FBN1: variants seen among roughly 807,000 people sequenced by gnomAD.
FBN1 encodes fibrillin 1.
In FBN1, 29 loss-of-function variants were observed where a neutral mutation model predicts 365.1. The ratio of observed to expected loss-of-function variants is 0.08; its 90% confidence interval spans 0.06 to 0.11. FBN1 has a LOEUF of 0.11. Ranked by LOEUF, FBN1 falls within the 10% of genes least tolerant of loss-of-function variation. FBN1 has a pLI of 1.00. For missense variants in FBN1, 2,476 were observed against 3,703.2 expected (o/e 0.67, Z 8.60); for synonymous variants, 1,210 against 1,270.5 (o/e 0.95, Z 1.01).
intron 45 of FBN1, among the ~76,000 whole-genome samples, chr15:48,450,886 G>T (rs2043196381): frequency 6.6e-6 from 1 of 151,952 alleles, no homozygotes; most frequent in Admixed American, 6.6e-5. Flanking sequence ...GCCAAGTATA[G>T]AATAGCATTT....
rs2043500621 is a variant in FBN1, at chr15:48,485,630, T to C, written c.3590-134A>G. On this transcript the variant is annotated intron_variant, in intron 29 of 65. Transcript: ENST00000316623. Reference sequence around the variant, plus strand: ...GCCTTTAAAAGAGGTAATCATCCTATGAGGGCTCTACCCTCATGGTGGGAT... The same window carrying C: ...GCCTTTAAAAGAGGTAATCATCCTACGAGGGCTCTACCCTCATGGTGGGAT... 43 of 940,918 alleles carry C rather than the reference T, an allele frequency of 4.6e-5. 2 individuals carry two copies. In the South Asian group the frequency reaches 6.0e-4, roughly 13 times the overall value. 58.3% of individuals were successfully genotyped at this position (940,918 alleles called of 1,614,324 possible). A position where few individuals can be genotyped will look rare whatever the true frequency, so the allele number is the denominator to read the frequency against.
intron 64 of FBN1, among the ~76,000 whole-genome samples, chr15:48,413,416 T>A (rs558875523): frequency 1.3e-5 from 2 of 152,354 alleles, no homozygotes; most frequent in Non-Finnish European, 2.9e-5. Flanking sequence ...GGCCACTGGC[T>A]CCGACTCATG....
At chr15:48,620,400 C>G (rs1489742952) in intron 2 of FBN1, among the ~76,000 whole-genome samples, 1 of 152,188 alleles carries the variant, frequency 6.6e-6, no homozygotes, top group Admixed American at 6.5e-5. Flanking sequence ...TACCTCCCCA[C>G]AATACTTCTA....
chr15:48,497,511 G>T (rs374242391), intron 18 of FBN1, 120 bp from the exon 19 acceptor site: 3 of 894,652 alleles, frequency 3.4e-6, no homozygotes, highest in South Asian at 1.5e-5. Flanking sequence ...GAAAAAAATC[G>T]ATTTCACTGG....
chr15:48,626,675 A>C (rs1889888524), intron 2 of FBN1, among the ~76,000 whole-genome samples: 1 of 152,230 alleles, frequency 6.6e-6, no homozygotes, highest in African/African-American at 2.4e-5. Context: ...CATTGAAATT[A>C]ACACTTCACA....
In FBN1 at chr15:48,468,063, C is replaced by T. The variant is rs753491504; in HGVS notation, c.4622G>A (p.Arg1541Gln). The T allele has an allele frequency of 1.1e-5, 17 of 1,613,972 alleles. No individual in the cohort carries two copies. The highest frequency in any genetic ancestry group is 2.2e-5 in the South Asian group (2 of 91,078). ...SGNCYLDIRPRGDNGDTACSN... is the reference protein window; with the variant it reads ...SGNCYLDIRPQGDNGDTACSN... Reference sequence around the variant, plus strand: ...GCAGGCTGTATCTCCATTGTCTCCTCGAGGTCGAATATCCAAATAGCAATT... The same window carrying T: ...GCAGGCTGTATCTCCATTGTCTCCTTGAGGTCGAATATCCAAATAGCAATT... Residue 1541 changes from arginine to glutamine, a missense_variant, in exon 38 of 66, where the codon CGA becomes CAA. Around this residue, in one of 5 missense-constraint regions of FBN1, gnomAD observed 1,780 missense variants for 2,840.8 expected, o/e 0.63. Coordinates refer to ENST00000316623, the MANE Select transcript of FBN1 (RefSeq NM_000138.5).
rs1254966761 is a variant in FBN1, at chr15:48,624,859, A to G, written c.165-11767T>C. ...ACAGAGAGAGGCCGGCCAGAGGCGGAGCCGGGGGTGGAGCTTGTGGAATTC... is the reference window on the plus strand; with the variant it reads ...ACAGAGAGAGGCCGGCCAGAGGCGGGGCCGGGGGTGGAGCTTGTGGAATTC... On this transcript the variant is annotated intron_variant, in intron 2 of 65. Transcript: ENST00000316623. Among the ~76,000 whole-genome samples, 3 of 152,228 alleles carry G rather than the reference A, an allele frequency of 2.0e-5. No homozygotes were observed. The East Asian group carries it at 5.8e-4, about 29-fold the overall frequency.
chr15:48,523,755 AG>A (rs2043882511), intron 9 of FBN1, among the ~76,000 whole-genome samples: 1 of 134,420 alleles, frequency 7.4e-6, no homozygotes, highest in Non-Finnish European at 1.6e-5. Context: ...CTTTGTACAG[AG>A]GGTAAGGGGT....
chr15:48,604,356 A>G (rs1387990278), intron 4 of FBN1, among the ~76,000 whole-genome samples: 1 of 152,178 alleles, frequency 6.6e-6, no homozygotes, highest in East Asian at 1.9e-4. Context: ...AGACAAATTA[A>G]ACAGCTAGAC....
Position 48,434,736 on chromosome 15 carries a change from C to G in FBN1, c.6497-23G>C, listed in dbSNP as rs3825962. On this transcript the variant is annotated intron_variant, in intron 53 of 65. Coordinates refer to ENST00000316623, the MANE Select transcript of FBN1 (RefSeq NM_000138.5). ...TATCTGCAAGAAACCAGGAATGTGT[C>G]CAAAACATGATGAATTGAGATAATA... 0.018 allele frequency: 29,129 copies of G among 1,612,150 alleles called. 1,799 individuals are homozygous for G. The East Asian group carries it at 0.23, about 13-fold the overall frequency.
At chr15:48,485,302 A>T (rs2043495802) in intron 30 of FBN1, 72 bp downstream of exon 30, 2 of 1,610,858 alleles carry the variant, frequency 1.2e-6, no homozygotes, top group Non-Finnish European at 8.5e-7. Flanking sequence ...GCTTGACTCC[A>T]AAGCCTGGGC....
chr15:48,465,505 T>C, intron 40 of FBN1, 63 bp downstream of exon 40: 4 of 1,589,600 alleles, frequency 2.5e-6, no homozygotes, highest in Admixed American at 1.7e-5. Context: ...GTAACCATAT[T>C]CTGGTTTTGC....
chr15:48,539,944 CA>C (rs2044045301), intron 6 of FBN1, among the ~76,000 whole-genome samples: 1 of 152,096 alleles, frequency 6.6e-6, no homozygotes, highest in Non-Finnish European at 1.5e-5. Flanking sequence ...TGAATTCAAA[CA>C]AAAATATAAA....
intron 6 of FBN1, among the ~76,000 whole-genome samples, chr15:48,545,037 C>G (rs1359059469): frequency 6.6e-6 from 1 of 152,144 alleles, no homozygotes; most frequent in Non-Finnish European, 1.5e-5. Flanking sequence ...CCACGTTAAA[C>G]CAAACACTGA....
intron 6 of FBN1, among the ~76,000 whole-genome samples, chr15:48,573,057 T>C (rs2044318061): frequency 6.6e-6 from 1 of 152,082 alleles, no homozygotes; most frequent in East Asian, 1.9e-4. Context: ...GCCAGCGAGG[T>C]GGGAAAGACC....
rs2043497671 is a variant in FBN1, at chr15:48,485,433, C to T, written c.3653G>A (p.Ser1218Asn). 1 of 1,614,096 alleles carries T rather than the reference C, an allele frequency of 6.2e-7. No individual in the cohort carries two copies. Among genetic ancestry groups the T allele is most frequent in the Admixed American group, 1.7e-5 (1 of 60,016 alleles). ...CETFCTNSEG[S>N]YECSCQPGFA... ...TCCCGGCTGACAGCTACATTCATAG[C>T]TGCCTTCAGAGTTTGTGCAGAAGGT... Residue 1218 changes from serine to asparagine, a missense_variant, in exon 30 of 66, where the codon AGC becomes AAC. Transcript: ENST00000316623.
chr15:48,413,913 T>C lies in FBN1; in HGVS notation c.8052-1170A>G, dbSNP rs144419296. ...TCTTGCCAGAGTCCAATACATTTCC[T>C]TTCCTCTTTATCTTGCAACATGAAA... On this transcript the variant is annotated intron_variant, in intron 64 of 65. Coordinates refer to ENST00000316623, the MANE Select transcript of FBN1 (RefSeq NM_000138.5). Among the ~76,000 whole-genome samples, 910 of 152,356 alleles carry C rather than the reference T, an allele frequency of 6.0e-3. 8 individuals are homozygous for C. The highest frequency in any genetic ancestry group is 0.021 in the African/African-American group (881 of 41,582).
intron 64 of FBN1, among the ~76,000 whole-genome samples, chr15:48,414,121 T>C (rs1035421917): frequency 1.3e-5 from 2 of 152,324 alleles, no homozygotes; most frequent in South Asian, 2.1e-4. Context: ...TTATAAGAAG[T>C]GTGACTACAA....
chr15:48,550,167 G>A (rs574819046), intron 6 of FBN1, among the ~76,000 whole-genome samples: 1 of 152,342 alleles, frequency 6.6e-6, no homozygotes, highest in Admixed American at 6.5e-5. Context: ...GCATTCAAGT[G>A]GTCAAATCAT....
Sources: allele counts gnomAD v4.1 joint callset (sites outside exome capture counted in the v4.1 genomes callset), GRCh38; gene constraint gnomAD v4.1.1; regional missense constraint gnomAD v4.1.1; transcripts MANE v1.5; gene names NCBI Gene and HGNC (gene_info 2026-07-23, HGNC 2026-07-21).